Variants in SPATA13 observed in about 807,000 individuals in gnomAD.
The protein encoded by SPATA13 is spermatogenesis associated 13, also known as spermatogenesis-associated protein 13.
A neutral mutation model predicts 104.0 loss-of-function variants in SPATA13; 50 were observed. The observed-to-expected ratio is 0.48, with a 90% CI of 0.38 to 0.61. The LOEUF is 0.61. Among genes scored for constraint, SPATA13 ranks in the 20% least tolerant of loss-of-function variants. The probability of loss-of-function intolerance (pLI) is 0.00; values close to 1 mark genes in which losing one functional copy is unlikely to be tolerated. For synonymous variants in SPATA13, 606 were observed against 667.5 expected (o/e 0.91, Z 1.42); for missense variants, 1,524 against 1,690.6 (o/e 0.90, Z 1.73).
At chr13:24,131,743 A>G (rs145672750) in intron 3 of SPATA13, among the ~76,000 whole-genome samples, 4 of 152,162 alleles carry the variant, frequency 2.6e-5, no homozygotes, top group Admixed American at 2.0e-4. Flanking sequence ...GGGACAACCA[A>G]TGTGGACCCT....
chr13:24,115,544 TG>T (rs1349406683), intron 3 of SPATA13, among the ~76,000 whole-genome samples: 1 of 152,234 alleles, frequency 6.6e-6, no homozygotes, highest in African/African-American at 2.4e-5. Flanking sequence ...TGATTTGAGG[TG>T]GAACAGTTTC....
At chr13:24,149,106 C>A (rs1882023283) in intron 3 of SPATA13, among the ~76,000 whole-genome samples, 1 of 152,178 alleles carries the variant, frequency 6.6e-6, no homozygotes, top group Non-Finnish European at 1.5e-5. Flanking sequence ...AGGAAGAAGC[C>A]ATGGGGCAGA....
At chr13:24,198,381 C>A (rs1870208273) in intron 1 of SPATA13, among the ~76,000 whole-genome samples, 1 of 152,180 alleles carries the variant, frequency 6.6e-6, no homozygotes, top group Non-Finnish European at 1.5e-5. Context: ...CATAGGAAGT[C>A]TCTTTATAAT....
chr13:23,986,317 A>C (rs1476192982), intron 2 of SPATA13, among the ~76,000 whole-genome samples: 1 of 152,142 alleles, frequency 6.6e-6, no homozygotes, highest in Non-Finnish European at 1.5e-5. Flanking sequence ...TTTAGATAAC[A>C]AGACAGAGAT....
intron 2 of SPATA13, among the ~76,000 whole-genome samples, chr13:24,240,674 T>C (rs1010779397): frequency 9.2e-5 from 14 of 152,334 alleles, no homozygotes; most frequent in African/African-American, 3.4e-4. Context: ...TTTATGCTCA[T>C]GGAACTGGGC....
At position 24,053,663 on chromosome 13, in the gene SPATA13, GC is replaced by G. The variant is rs1878443144; in HGVS notation, c.-112+35963del. Among the ~76,000 whole-genome samples, 8 of 152,136 alleles carry G rather than the reference GC, an allele frequency of 5.3e-5. No individual in the cohort carries two copies. In the South Asian group the frequency reaches 1.7e-3, roughly 32 times the overall value. On this transcript the variant is annotated intron_variant, in intron 3 of 14. Coordinates refer to the SPATA13 transcript ENST00000424834. ...GGCTGAGCTGTCTAAGACACCTGGG[GC>G]TCCATCCTGTCGTCCTTGGAATCTG...
intron 2 of SPATA13, among the ~76,000 whole-genome samples, chr13:23,996,890 C>T (rs1875722219): frequency 6.6e-6 from 1 of 152,196 alleles, no homozygotes; most frequent in Non-Finnish European, 1.5e-5. Flanking sequence ...ACTCTCTTTC[C>T]CTTATAAGGA....
intron 3 of SPATA13, among the ~76,000 whole-genome samples, chr13:24,060,157 A>T (rs904381553): frequency 4.6e-5 from 7 of 152,252 alleles, no homozygotes; most frequent in Admixed American, 4.6e-4. Context: ...TGGAGGCATC[A>T]TATTACCTGA....
intron 3 of SPATA13, among the ~76,000 whole-genome samples, chr13:24,149,037 G>T (rs1276089566): frequency 6.6e-5 from 10 of 152,210 alleles, no homozygotes; most frequent in Admixed American, 5.9e-4. Context: ...GGAGAATGAG[G>T]ATTTGAATGT....
intron 3 of SPATA13, among the ~76,000 whole-genome samples, chr13:24,029,081 C>T (rs1395955081): frequency 3.3e-5 from 5 of 151,578 alleles, no homozygotes; most frequent in East Asian, 3.9e-4. Flanking sequence ...TTTTAATTAT[C>T]GAATTTATTT....
At chr13:24,299,471 A>T (rs1484849219) in intron 11 of SPATA13, among the ~76,000 whole-genome samples, 5 of 152,202 alleles carry the variant, frequency 3.3e-5, no homozygotes, top group Non-Finnish European at 7.3e-5. Flanking sequence ...CAGGTAGCAG[A>T]TCAGAGAGAA....
At chr13:24,113,516 A>G (rs1880716684) in intron 3 of SPATA13, among the ~76,000 whole-genome samples, 1 of 152,096 alleles carries the variant, frequency 6.6e-6, no homozygotes, top group Admixed American at 6.5e-5. Flanking sequence ...AGGCATGAGA[A>G]TCGCTAAGAT....
intron 3 of SPATA13, among the ~76,000 whole-genome samples, chr13:24,055,309 A>G (rs1878501092): frequency 6.6e-6 from 1 of 152,204 alleles, no homozygotes; most frequent in Non-Finnish European, 1.5e-5. Flanking sequence ...CATTGCGGGT[A>G]CAGTGCATCG....
chr13:24,106,886 T>G (rs1157669457), intron 3 of SPATA13, among the ~76,000 whole-genome samples: 1 of 152,170 alleles, frequency 6.6e-6, no homozygotes, highest in East Asian at 1.9e-4. Context: ...CGAGTGAGTT[T>G]CAGCAAATAT....
intron 2 of SPATA13, among the ~76,000 whole-genome samples, chr13:24,246,756 A>G (rs1406571450): frequency 1.3e-5 from 2 of 152,042 alleles, no homozygotes; most frequent in Admixed American, 6.6e-5. Flanking sequence ...CCAGCTACTC[A>G]AGAGGCTGAG....
At position 24,223,452 on chromosome 13, in the gene SPATA13, C is replaced by T; in HGVS notation, c.523C>T (p.Pro175Ser). 7.1e-6 allele frequency: 11 copies of T among 1,550,518 alleles called. No homozygotes were observed. Among genetic ancestry groups the T allele is most frequent in the Non-Finnish European group, 9.6e-6 (11 of 1,146,988 alleles). ...GGGACCAGCATGTGGTGCCCTCAGGCCAGCAGAGTGGGGCACATTGGATGG... is the reference window on the plus strand; with the variant it reads ...GGGACCAGCATGTGGTGCCCTCAGGTCAGCAGAGTGGGGCACATTGGATGG... Reference protein sequence around the residue: ...APGPACGALRPAEWGTLDGSD... With the variant: ...APGPACGALRSAEWGTLDGSD... The change falls in exon 2 of 13, where the codon CCA (proline) becomes TCA (serine). Residue 175 changes from proline to serine, a missense_variant. Physicochemically the swap from Pro to Ser is moderately conservative, Grantham distance 74. Transcript: ENST00000382108.
chr13:24,127,690 A>G (rs932147519), intron 3 of SPATA13, among the ~76,000 whole-genome samples: 1 of 152,272 alleles, frequency 6.6e-6, no homozygotes, highest in Non-Finnish European at 1.5e-5. Flanking sequence ...ATCTCCATAC[A>G]GATAATATGC....
rs1430765640 is a variant in SPATA13, at chr13:24,161,382, G to T, written c.-112+450G>T. ...TCGGGTGGCGTGGCTGGTGCCTCCG[G>T]GGACCCGGAGCGATGCGGTTGGAGA... On this transcript the variant is annotated intron_variant, in intron 1 of 12. Transcript: ENST00000382108. This position sits in a 1 kb window ranked among gnomAD's most constrained non-coding sequence, Gnocchi z 4.5. Among the ~76,000 whole-genome samples, 5 of 152,188 alleles carry T rather than the reference G, an allele frequency of 3.3e-5. No individual in the cohort carries two copies. Among genetic ancestry groups the T allele is most frequent in the Admixed American group, 6.5e-5 (1 of 15,284 alleles).
intron 3 of SPATA13, among the ~76,000 whole-genome samples, chr13:24,117,507 G>A (rs1325665): frequency 0.49 from 73,988 of 151,986 alleles, 19,161 homozygotes; most frequent in South Asian, 0.57. Context: ...CTTTAGTGAT[G>A]TCAGTTTTTG....
Sources: allele counts gnomAD v4.1 joint callset (sites outside exome capture counted in the v4.1 genomes callset), GRCh38; gene constraint gnomAD v4.1.1; non-coding constraint Gnocchi (gnomAD v3.1); transcripts MANE v1.5; gene names NCBI Gene and HGNC (gene_info 2026-07-23, HGNC 2026-07-21).